Variants in AZIN2 observed in about 807,000 individuals in gnomAD.
AZIN2 encodes ODC antizyme inhibitor-2.
Under a neutral mutation model 47.8 loss-of-function variants are expected in AZIN2, and 28 were observed. The observed-to-expected ratio is 0.59, with a 90% CI of 0.43 to 0.80. The LOEUF (loss-of-function observed/expected upper bound fraction) is 0.80, where lower values mean the gene tolerates loss of function less well. Ranked by LOEUF, AZIN2 falls within the 30% of genes least tolerant of loss-of-function variation. AZIN2 has a pLI of 0.00. For synonymous variants in AZIN2, 221 were observed against 239.4 expected (o/e 0.92, Z 0.71); for missense variants, 535 against 582.5 (o/e 0.92, Z 0.84).
rs1417906527 is a variant in AZIN2 at position 33,122,698 on chromosome 1, T to A, written c.*2516T>A. 6.6e-6 allele frequency among the ~76,000 whole-genome samples: 1 copy of A among 152,162 alleles called. No individual in the cohort carries two copies. Among genetic ancestry groups the A allele is most frequent in the Admixed American group, 6.5e-5 (1 of 15,276 alleles). On this transcript the variant is annotated 3_prime_UTR_variant, in exon 12 of 12. Coordinates refer to ENST00000294517, the MANE Select transcript of AZIN2 (RefSeq NM_052998.4). ...TGCCTTGGAAGTCAGATGTTCCTGT[T>A]GGCCTATCACAGACCCATCCTTCCC...
intron 5 of AZIN2, among the ~76,000 whole-genome samples, chr1:33,089,569 C>T (rs1358602694): frequency 2.0e-5 from 3 of 152,332 alleles, no homozygotes; most frequent in Admixed American, 2.0e-4. Context: ...AGGTCCACAT[C>T]CACTCAGATT....
chr1:33,103,315 G>A (rs1451323536), intron 10 of AZIN2, among the ~76,000 whole-genome samples: 1 of 152,050 alleles, frequency 6.6e-6, no homozygotes, highest in Non-Finnish European at 1.5e-5. Context: ...TCCTGTCCCT[G>A]TTTTCAGCTC....
At chr1:33,094,769 G>A in intron 8 of AZIN2, 56 bp downstream of exon 8, 1 of 1,593,274 alleles carries the variant, frequency 6.3e-7, no homozygotes, top group African/African-American at 1.3e-5. Context: ...GGATAGGGAG[G>A]GATTAGATGA....
chr1:33,108,342 C>CTTTTTTTTTTTTT (rs34834263), intron 10 of AZIN2, among the ~76,000 whole-genome samples: 28 of 134,740 alleles, frequency 2.1e-4, no homozygotes, highest in African/African-American at 6.9e-4. Flanking sequence ...TTCAGATTGA[C>CTTTTTTTTTTTTT]TTTTTTTTTT....
In AZIN2 at chr1:33,110,058, A is replaced by G. The variant is rs1212572101; in HGVS notation, c.1030-7844A>G. 3.3e-5 allele frequency among the ~76,000 whole-genome samples: 5 copies of G among 152,210 alleles called. No individual in the cohort carries two copies. The East Asian group carries it at 9.6e-4, about 29-fold the overall frequency. On this transcript the variant is annotated intron_variant, in intron 10 of 11. Coordinates refer to ENST00000294517, the MANE Select transcript of AZIN2 (RefSeq NM_052998.4). Reference sequence around the variant, plus strand: ...AGAGCTGAGAACCCAAAAGAAGTACATCCTTAGTGTAAGAGTCAACTAGAG... The same window carrying G: ...AGAGCTGAGAACCCAAAAGAAGTACGTCCTTAGTGTAAGAGTCAACTAGAG...
the AZIN2 span, among the ~76,000 whole-genome samples, chr1:33,156,589 C>T: frequency 6.6e-6 from 1 of 152,138 alleles, no homozygotes; most frequent in Non-Finnish European, 1.5e-5. Flanking sequence ...AGGAGTGTTC[C>T]GGGGCTCCTG....
At chr1:33,090,384 A>G (rs1642399365) in intron 5 of AZIN2, among the ~76,000 whole-genome samples, 1 of 152,190 alleles carries the variant, frequency 6.6e-6, no homozygotes, top group Admixed American at 6.5e-5. Context: ...TAATGCAGCA[A>G]TCAGGTGCCC....
the AZIN2 span, among the ~76,000 whole-genome samples, chr1:33,144,330 G>A: frequency 6.6e-6 from 1 of 152,274 alleles, no homozygotes; most frequent in Middle Eastern, 3.4e-3. Context: ...TAGAGACGGG[G>A]TTTCTCCACG....
chr1:33,155,425 A>T, the AZIN2 span, among the ~76,000 whole-genome samples: 1 of 151,930 alleles, frequency 6.6e-6, no homozygotes. Flanking sequence ...GGAACAGAAG[A>T]ATGAATCCAG....
Position 33,098,111 on chromosome 1 carries a change from G to A in AZIN2, c.961G>A (p.Glu321Lys), listed in dbSNP as rs917711694. The change falls in exon 10 of 12, where the codon GAG (glutamate) becomes AAG (lysine). Residue 321 changes from glutamate to lysine, a missense_variant. Transcript: ENST00000294517. ...TSKTIVYHLDEGVYGIFNSVL... is the reference protein window; with the variant it reads ...TSKTIVYHLDKGVYGIFNSVL... ...CAAGACCATCGTGTACCACCTTGAT[G>A]AGGGCGTGTATGGGATCTTCAACTC... The A allele has an allele frequency of 3.7e-6, 6 of 1,614,008 alleles. No homozygotes were observed. The African/African-American group carries it at 5.3e-5, about 14-fold the overall frequency.
intron 5 of AZIN2, among the ~76,000 whole-genome samples, chr1:33,084,466 CT>C (rs1641654560): frequency 1.3e-5 from 2 of 151,232 alleles, no homozygotes; most frequent in African/African-American, 4.9e-5. Context: ...TTTCTTTTTC[CT>C]TTTATAATCA....
chr1:33,104,161 G>A (rs1427345500), intron 10 of AZIN2, among the ~76,000 whole-genome samples: 3 of 152,136 alleles, frequency 2.0e-5, no homozygotes, highest in Non-Finnish European at 4.4e-5. Context: ...TTGATTACAG[G>A]CATGAGCCAC....
rs761446092 is a variant in AZIN2 at position 33,094,631 on chromosome 1, C to G, written c.671C>G (p.Thr224Ser). Residue 224 changes from threonine to serine, a missense_variant, in exon 8 of 12, where the codon ACC (threonine) becomes AGC (serine). Coordinates refer to ENST00000294517, the MANE Select transcript of AZIN2 (RefSeq NM_052998.4). ...ADARLVFEMG[T>S]ELGHKMHVLD... is the part of the protein sequence containing the mutation. ...GCCCGGCTCGTGTTTGAAATGGGCA[C>G]CGAGCTGGGTCACAAGATGCACGTT... The G allele has an allele frequency of 1.2e-6, 2 of 1,614,160 alleles. No individual in the cohort carries two copies. Among genetic ancestry groups the G allele is most frequent in the Non-Finnish European group, 1.7e-6 (2 of 1,180,026 alleles).
In AZIN2 at chr1:33,082,026, G is replaced by A. The variant is rs897335706; in HGVS notation, c.-72-152G>A. 52 of 560,604 alleles carry A rather than the reference G, an allele frequency of 9.3e-5. 1 individual carries two copies. The Admixed American group carries it at 1.3e-3, about 14-fold the overall frequency. The allele number at this position is 560,604 out of a possible 1,614,324, so 34.7% of individuals were successfully genotyped here. The stretch of plus-strand genomic sequence containing the variant: ...GGTGCCTTGTCTCCGTCTGAAATCC[G>A]GGATTCTTGACTTTCTCCACCCTTG... On this transcript the variant is annotated intron_variant, in intron 3 of 11. Transcript: ENST00000294517.
chr1:33,155,024 C>T, the AZIN2 span, among the ~76,000 whole-genome samples: 1 of 147,770 alleles, frequency 6.8e-6, no homozygotes, highest in African/African-American at 2.5e-5. Flanking sequence ...ACCCGGGAGG[C>T]AGACCTTGCA....
At chr1:33,153,878 A>G in the AZIN2 span, among the ~76,000 whole-genome samples, 1 of 152,164 alleles carries the variant, frequency 6.6e-6, no homozygotes, top group Non-Finnish European at 1.5e-5. Flanking sequence ...AGCTGCTGGG[A>G]GTGAATCAGA....
Position 33,083,787 on chromosome 1 carries a change from G to T in AZIN2, c.106-167G>T, listed in dbSNP as rs1021924692. The stretch of plus-strand genomic sequence containing the variant: ...TCAGAGCCTTGAATGCCAGGCTGAG[G>T]AGTTTGCCTTCTGCCCTGTAGGCTT... On this transcript the variant is annotated intron_variant, in intron 4 of 11. Transcript: ENST00000294517. 1.7e-5 allele frequency: 12 copies of T among 703,072 alleles called. No homozygotes were observed. The East Asian group carries it at 3.3e-4, about 19-fold the overall frequency. The allele number at this position is 703,072 out of a possible 1,614,324, so 43.6% of individuals were successfully genotyped here. A position where few individuals can be genotyped will look rare whatever the true frequency, so the allele number is the denominator to read the frequency against.
At chr1:33,161,423 A>G in the AZIN2 span, among the ~76,000 whole-genome samples, 5 of 152,088 alleles carry the variant, frequency 3.3e-5, no homozygotes, top group African/African-American at 9.7e-5. The surrounding 1 kb of genome is among the most constrained non-coding windows in gnomAD (Gnocchi z 4.3). Flanking sequence ...GAGTTCATGG[A>G]GTCAGAAACC....
chr1:33,134,358 G>A, the AZIN2 span, among the ~76,000 whole-genome samples: 1 of 152,218 alleles, frequency 6.6e-6, no homozygotes, highest in Non-Finnish European at 1.5e-5. Flanking sequence ...TAAGTGGCAG[G>A]GCCAAGAATT....
Sources: allele counts gnomAD v4.1 joint callset (sites outside exome capture counted in the v4.1 genomes callset), GRCh38; gene constraint gnomAD v4.1.1; non-coding constraint Gnocchi (gnomAD v3.1); transcripts MANE v1.5; gene names NCBI Gene and HGNC (gene_info 2026-07-23, HGNC 2026-07-21).